Variants in AP3B1 observed in about 807,000 individuals in gnomAD.
The protein encoded by AP3B1 is adaptor related protein complex 3 subunit beta 1.
Under a neutral mutation model 132.5 loss-of-function variants are expected in AP3B1, and 61 were observed. The observed-to-expected ratio is 0.46, with a 90% CI of 0.37 to 0.57. The LOEUF (loss-of-function observed/expected upper bound fraction) is 0.57. AP3B1 is among the 20% of genes least tolerant of loss of function. The probability of loss-of-function intolerance (pLI) is 0.00; values close to 1 mark genes in which losing one functional copy is unlikely to be tolerated. For missense variants in AP3B1, 1,120 were observed against 1,289.4 expected, an observed-to-expected ratio of 0.87 and a Z score of 2.01; for synonymous variants, 388 against 438.3, an observed-to-expected ratio of 0.89 and a Z score of 1.43.
rs1035018823 is a variant in AP3B1, at chr5:78,113,996, T to C, written c.2078-73A>G. 34 of 1,511,004 alleles carry C rather than the reference T, an allele frequency of 2.3e-5. No individual in the cohort carries two copies. In the African/African-American group the frequency reaches 3.7e-4, roughly 17 times the overall value. 93.6% of individuals were successfully genotyped at this position (1,511,004 alleles called of 1,614,324 possible). A position where few individuals can be genotyped will look rare whatever the true frequency, so the allele number is the denominator to read the frequency against. ...ACACACGGACACCTGTAACTGTCAA[T>C]ATTCATCACAAATGAAACCAGATGT... On this transcript the variant is annotated intron_variant, in intron 18 of 26. Coordinates refer to ENST00000255194, the MANE Select transcript of AP3B1 (RefSeq NM_003664.5).
In AP3B1 at chr5:78,003,024, A is replaced by G. The variant is rs748447113; in HGVS notation, c.3163T>C (p.Leu1055=). The part of the protein sequence containing the change: ...FAAKTVHSGS[L]MLVTVELKEG... ...TTCAGTTCCACTGTGACTAGCATCA[A>G]TGACCCACTGTGCACAGTTTTAGCT... Residue 1055 remains leucine (L), a synonymous_variant, in exon 27 of 27, where the codon TTG becomes CTG. Transcript: ENST00000255194. 6 of 1,614,230 alleles carry G rather than the reference A, an allele frequency of 3.7e-6. No homozygotes were observed. Among genetic ancestry groups the G allele is most frequent in the Non-Finnish European group, 2.5e-6 (3 of 1,180,034 alleles).
At chr5:78,277,483 T>C (rs1224249901) in intron 1 of AP3B1, among the ~76,000 whole-genome samples, 1 of 152,036 alleles carries the variant, frequency 6.6e-6, no homozygotes, top group African/African-American at 2.4e-5. Flanking sequence ...ATCAGATAAG[T>C]AGTACACAAA....
intron 2 of AP3B1, among the ~76,000 whole-genome samples, chr5:78,252,976 C>T (rs1452419771): frequency 6.6e-6 from 1 of 152,222 alleles, no homozygotes; most frequent in Non-Finnish European, 1.5e-5. Flanking sequence ...TACCAGTGGC[C>T]ACACGGGTGC....
chr5:78,006,443 T>C (rs1746399399), intron 26 of AP3B1, among the ~76,000 whole-genome samples: 1 of 152,222 alleles, frequency 6.6e-6, no homozygotes, highest in African/African-American at 2.4e-5. Flanking sequence ...GTTTACTTGA[T>C]TTTGTAGTAA....
intron 22 of AP3B1, among the ~76,000 whole-genome samples, chr5:78,049,273 C>A (rs1341541595): frequency 1.3e-5 from 2 of 152,124 alleles, no homozygotes; most frequent in Non-Finnish European, 2.9e-5. Context: ...TGGTAACGTG[C>A]AAGAATTAGG....
intron 20 of AP3B1, 109 bp downstream of exon 20, chr5:78,110,098 G>T: frequency 9.9e-7 from 1 of 1,011,802 alleles, no homozygotes; most frequent in Non-Finnish European, 1.5e-6. Flanking sequence ...ATAAGGGAAA[G>T]GCTTATCTAG....
At chr5:78,228,591 A>T (rs2112496509) in intron 3 of AP3B1, among the ~76,000 whole-genome samples, 1 of 152,348 alleles carries the variant, frequency 6.6e-6, no homozygotes, top group South Asian at 2.1e-4. Flanking sequence ...CATGGCGTAC[A>T]TGCTTGTAGT....
chr5:78,038,714 G>A (rs1374975768), intron 23 of AP3B1, among the ~76,000 whole-genome samples: 1 of 152,172 alleles, frequency 6.6e-6, no homozygotes, highest in Non-Finnish European at 1.5e-5. Context: ...AAATTATGCA[G>A]GGAATGAAGC....
At chr5:78,017,457 G>C (rs889803479) in intron 25 of AP3B1, among the ~76,000 whole-genome samples, 1 of 151,912 alleles carries the variant, frequency 6.6e-6, no homozygotes, top group Non-Finnish European at 1.5e-5. Context: ...CGATTGCTGA[G>C]GTGGAAAAAG....
chr5:78,258,782 G>A (rs1046113263), intron 2 of AP3B1, among the ~76,000 whole-genome samples: 6 of 152,194 alleles, frequency 3.9e-5, no homozygotes, highest in Non-Finnish European at 8.8e-5. Context: ...CTAAGATTTG[G>A]AAGCAACCTA....
chr5:78,038,086 C>T (rs936030597), intron 23 of AP3B1, among the ~76,000 whole-genome samples: 11 of 152,140 alleles, frequency 7.2e-5, no homozygotes, highest in African/African-American at 1.4e-4. Flanking sequence ...CTGGAAAGTG[C>T]GAGCCAAAGC....
intron 22 of AP3B1, among the ~76,000 whole-genome samples, chr5:78,075,883 G>C (rs1749747152): frequency 6.6e-6 from 1 of 152,206 alleles, no homozygotes; most frequent in Admixed American, 6.5e-5. Flanking sequence ...AAGTGACAAA[G>C]TGATGGTCCT....
chr5:78,175,057 G>A (rs369740472), intron 11 of AP3B1, among the ~76,000 whole-genome samples: 6 of 152,372 alleles, frequency 3.9e-5, no homozygotes, highest in South Asian at 2.1e-4. Context: ...CTTGTCTGCC[G>A]GTTGCTAAGA....
At chr5:78,065,864 G>T (rs1231980365) in intron 22 of AP3B1, among the ~76,000 whole-genome samples, 3 of 152,180 alleles carry the variant, frequency 2.0e-5, no homozygotes, top group Non-Finnish European at 4.4e-5. Flanking sequence ...CCCTGACTGG[G>T]TGAGATCTTC....
chr5:78,065,268 GC>G (rs1376971076), intron 22 of AP3B1, among the ~76,000 whole-genome samples: 2 of 152,148 alleles, frequency 1.3e-5, no homozygotes, highest in Admixed American at 1.3e-4. Context: ...ACTCTCAGTG[GC>G]CCCTCGGCTG....
At chr5:78,159,702 G>GT (rs1743309264) in intron 13 of AP3B1, among the ~76,000 whole-genome samples, 1 of 152,116 alleles carries the variant, frequency 6.6e-6, no homozygotes, top group African/African-American at 2.4e-5. Context: ...CTTTTTCCAC[G>GT]TAAGGTAACA....
At chr5:78,196,695 T>C (rs1157365823) in intron 7 of AP3B1, among the ~76,000 whole-genome samples, 2 of 152,142 alleles carry the variant, frequency 1.3e-5, no homozygotes, top group African/African-American at 4.8e-5. Context: ...TAAAAATAAA[T>C]GAGCTAACAA....
At chr5:78,286,014 C>T (rs765084122) in intron 1 of AP3B1, among the ~76,000 whole-genome samples, 13 of 152,210 alleles carry the variant, frequency 8.5e-5, no homozygotes, top group Non-Finnish European at 1.8e-4. Context: ...CAAAACTCTC[C>T]AAATGGCATC....
chr5:78,140,075 A>G (rs996771677), intron 15 of AP3B1, among the ~76,000 whole-genome samples: 1 of 152,188 alleles, frequency 6.6e-6, no homozygotes, highest in Non-Finnish European at 1.5e-5. Flanking sequence ...ATCTTTTTCC[A>G]ATTTACTAAA....
Sources: allele counts gnomAD v4.1 joint callset (sites outside exome capture counted in the v4.1 genomes callset), GRCh38; gene constraint gnomAD v4.1.1; transcripts MANE v1.5; gene names NCBI Gene and HGNC (gene_info 2026-07-23, HGNC 2026-07-21).